CTNNA3: variants seen among roughly 807,000 people sequenced by gnomAD.
CTNNA3 encodes catenin alpha 3.
Under a neutral mutation model 95.7 loss-of-function variants are expected in CTNNA3, and 76 were observed. The observed-to-expected ratio is 0.79, with a 90% CI of 0.66 to 0.96. CTNNA3 has a LOEUF of 0.96. Among genes scored for constraint, CTNNA3 ranks in the 40% least tolerant of loss-of-function variants. CTNNA3 has a pLI of 0.00. For synonymous variants in CTNNA3, 431 were observed against 374.4 expected, an observed-to-expected ratio of 1.15 and a Z score of -1.74; for missense variants, 1,191 against 1,089.8, an observed-to-expected ratio of 1.09 and a Z score of -1.31.
chr10:66,347,516 A>C (rs1263746368), intron 12 of CTNNA3, among the ~76,000 whole-genome samples: 1 of 152,004 alleles, frequency 6.6e-6, no homozygotes, highest in East Asian at 1.9e-4. Context: ...CAGGAGGCTT[A>C]GGTAGGAGGA....
At chr10:67,745,895 C>T (rs907105540) in intron 1 of CTNNA3, among the ~76,000 whole-genome samples, 3 of 151,874 alleles carry the variant, frequency 2.0e-5, no homozygotes, top group Non-Finnish European at 2.9e-5. Flanking sequence ...ACAAAGAAAA[C>T]CATAAGACAC....
intron 5 of CTNNA3, among the ~76,000 whole-genome samples, chr10:67,332,006 T>C (rs933769431): frequency 2.0e-5 from 3 of 152,128 alleles, no homozygotes; most frequent in African/African-American, 7.2e-5. Flanking sequence ...TACTATGTCA[T>C]GACTGAATGA....
intron 5 of CTNNA3, among the ~76,000 whole-genome samples, chr10:67,431,117 T>C (rs927979171): frequency 1.3e-5 from 2 of 151,972 alleles, no homozygotes; most frequent in African/African-American, 4.8e-5. Flanking sequence ...CAAACTGTCA[T>C]AGGTATTTTC....
At chr10:66,401,471 C>T (rs1382395082) in intron 11 of CTNNA3, among the ~76,000 whole-genome samples, 5 of 149,832 alleles carry the variant, frequency 3.3e-5, no homozygotes, top group African/African-American at 7.4e-5. Flanking sequence ...GAGCCAAGAT[C>T]GTGCCACTGC....
intron 3 of CTNNA3, among the ~76,000 whole-genome samples, chr10:67,591,931 G>T (rs1329921222): frequency 1.3e-5 from 2 of 151,992 alleles, no homozygotes; most frequent in Non-Finnish European, 2.9e-5. Flanking sequence ...TGCAGACAGG[G>T]ATGGGTCCCC....
chr10:66,396,793 A>G (rs1362860034), intron 11 of CTNNA3, among the ~76,000 whole-genome samples: 3 of 151,944 alleles, frequency 2.0e-5, no homozygotes, highest in Non-Finnish European at 1.5e-5. Context: ...ATGCACACAT[A>G]AGTTTACAGA....
At chr10:66,110,694 T>C (rs536188982) in intron 13 of CTNNA3, among the ~76,000 whole-genome samples, 4 of 152,348 alleles carry the variant, frequency 2.6e-5, no homozygotes, top group Non-Finnish European at 5.9e-5. Context: ...TAAGTTTGCT[T>C]GATTATATAA....
At chr10:66,315,072 G>A (rs1259213630) in intron 12 of CTNNA3, among the ~76,000 whole-genome samples, 1 of 152,028 alleles carries the variant, frequency 6.6e-6, no homozygotes, top group Non-Finnish European at 1.5e-5. Context: ...TTTTTCAAGG[G>A]TAATAGTACA....
chr10:66,127,944 C>T (rs775702519), intron 13 of CTNNA3, among the ~76,000 whole-genome samples: 76 of 152,142 alleles, frequency 5.0e-4, no homozygotes, highest in Middle Eastern at 3.4e-3. Flanking sequence ...TAGTGGCAGA[C>T]GCCTGTAATC....
intron 7 of CTNNA3, among the ~76,000 whole-genome samples, chr10:67,045,770 C>T (rs1488946147): frequency 6.6e-6 from 1 of 152,096 alleles, no homozygotes; most frequent in Non-Finnish European, 1.5e-5. Context: ...AGAAACCGAA[C>T]TGGAGAAAGT....
chr10:66,735,764 T>A (rs1208642121), intron 9 of CTNNA3, among the ~76,000 whole-genome samples: 1 of 152,216 alleles, frequency 6.6e-6, no homozygotes, highest in South Asian at 2.1e-4. Context: ...AATTGTTATT[T>A]CTTCACAATT....
At chr10:66,573,565 ATTC>A (rs1456426819) in intron 10 of CTNNA3, among the ~76,000 whole-genome samples, 1 of 152,192 alleles carries the variant, frequency 6.6e-6, no homozygotes, top group African/African-American at 2.4e-5. Flanking sequence ...CATATGAGAA[ATTC>A]TTCTTTATGG....
intron 7 of CTNNA3, among the ~76,000 whole-genome samples, chr10:67,032,412 G>A (rs1182195177): frequency 3.9e-5 from 6 of 151,938 alleles, no homozygotes; most frequent in South Asian, 2.1e-4. Flanking sequence ...CATATTTAAC[G>A]GGTTGATTTC....
intron 3 of CTNNA3, among the ~76,000 whole-genome samples, chr10:67,552,697 G>A (rs960054211): frequency 6.6e-6 from 1 of 152,056 alleles, no homozygotes; most frequent in African/African-American, 2.4e-5. Flanking sequence ...GACCCAGTGT[G>A]TGTTGTTCCC....
chr10:67,207,768 T>G (rs1438076224), intron 6 of CTNNA3, among the ~76,000 whole-genome samples: 2 of 152,180 alleles, frequency 1.3e-5, no homozygotes, highest in South Asian at 2.1e-4. Flanking sequence ...CTGAAAAATA[T>G]ACAGCAGCTA....
At chr10:67,612,230 A>T (rs1167020158) in intron 2 of CTNNA3, among the ~76,000 whole-genome samples, 1 of 152,224 alleles carries the variant, frequency 6.6e-6, no homozygotes, top group Non-Finnish European at 1.5e-5. Context: ...ATAATACCCT[A>T]GGCATTCAGG....
chr10:66,157,508 TAG>T (rs1466243363), intron 13 of CTNNA3, among the ~76,000 whole-genome samples: 3 of 84,346 alleles, frequency 3.6e-5, no homozygotes, highest in Admixed American at 1.0e-4. Context: ...GATAGATAGA[TAG>T]ATAGATAGAT....
intron 13 of CTNNA3, among the ~76,000 whole-genome samples, chr10:66,215,128 A>G (rs540071536): frequency 3.5e-4 from 54 of 152,334 alleles, no homozygotes; most frequent in African/African-American, 1.3e-3. Flanking sequence ...ACAAGAAATA[A>G]CAGGGATGAT....
At chr10:67,453,454 G>T (rs879688322) in intron 5 of CTNNA3, among the ~76,000 whole-genome samples, 6 of 152,116 alleles carry the variant, frequency 3.9e-5, no homozygotes, top group Admixed American at 3.9e-4. Flanking sequence ...ACTTTCCAAG[G>T]TTTAACTTTT....
Sources: allele counts gnomAD v4.1 joint callset (sites outside exome capture counted in the v4.1 genomes callset), GRCh38; gene constraint gnomAD v4.1.1; transcripts MANE v1.5; gene names NCBI Gene and HGNC (gene_info 2026-07-23, HGNC 2026-07-21).